Variants in ANKRD55 observed in about 807,000 individuals in gnomAD.
ANKRD55 encodes the protein ankyrin repeat domain 55.
A neutral mutation model predicts 60.6 loss-of-function variants in ANKRD55; 41 were observed. That is an observed-to-expected ratio of 0.68 (90% CI 0.53 to 0.88). The LOEUF (loss-of-function observed/expected upper bound fraction) is 0.88, where lower values mean the gene tolerates loss of function less well. Among genes scored for constraint, ANKRD55 ranks in the 40% least tolerant of loss-of-function variants. ANKRD55 has a pLI of 0.00. For missense variants in ANKRD55, 732 were observed against 767.6 expected (o/e 0.95, Z 0.55); for synonymous variants, 264 against 290.3 (o/e 0.91, Z 0.92).
chr5:56,185,590 C>G (rs1758950034), intron 2 of ANKRD55, among the ~76,000 whole-genome samples: 1 of 151,878 alleles, frequency 6.6e-6, no homozygotes, highest in Non-Finnish European at 1.5e-5. Flanking sequence ...ATTGCTTGAA[C>G]CCGGGAGGTG....
chr5:56,163,707 A>G (rs1758384934), intron 5 of ANKRD55, among the ~76,000 whole-genome samples: 3 of 152,244 alleles, frequency 2.0e-5, no homozygotes. Context: ...CATAAAATGC[A>G]GAGAATAATA....
chr5:56,124,872 G>A (rs1757193576), intron 8 of ANKRD55, among the ~76,000 whole-genome samples: 2 of 152,180 alleles, frequency 1.3e-5, no homozygotes, highest in Admixed American at 1.3e-4. Flanking sequence ...ATGTTTTGCT[G>A]CAGAAAACGT....
chr5:56,181,011 G>A (rs942229990), intron 3 of ANKRD55, among the ~76,000 whole-genome samples: 3 of 152,078 alleles, frequency 2.0e-5, no homozygotes, highest in Admixed American at 2.0e-4. Flanking sequence ...GAAGAGCCTG[G>A]GCAACATGGT....
intron 5 of ANKRD55, among the ~76,000 whole-genome samples, chr5:56,162,515 G>T (rs545920035): frequency 3.9e-5 from 6 of 152,234 alleles, no homozygotes; most frequent in African/African-American, 1.4e-4. Context: ...CTACAGCTAA[G>T]CTACCACTGC....
intron 6 of ANKRD55, among the ~76,000 whole-genome samples, chr5:56,154,775 G>C (rs1192517856): frequency 6.6e-6 from 1 of 152,054 alleles, no homozygotes; most frequent in Non-Finnish European, 1.5e-5. Context: ...TTTTAGTAGA[G>C]ACGGGGTTTG....
intron 6 of ANKRD55, among the ~76,000 whole-genome samples, chr5:56,144,238 A>T (rs977821957): frequency 2.0e-5 from 3 of 152,246 alleles, no homozygotes; most frequent in African/African-American, 7.2e-5. Flanking sequence ...ACAATCTTCC[A>T]GATTGATAAA....
At chr5:56,230,343 T>A (rs1305661518) in intron 2 of ANKRD55, among the ~76,000 whole-genome samples, 2 of 152,196 alleles carry the variant, frequency 1.3e-5, no homozygotes, top group Admixed American at 1.3e-4. Context: ...TCTGCCCACC[T>A]CGGCCTCCCA....
chr5:56,179,140 A>C lies in ANKRD55; in HGVS notation c.182-2858T>G, dbSNP rs142161386. On this transcript the variant is annotated intron_variant, in intron 3 of 11. Transcript: ENST00000341048. ...CTAACAAGAAATGGCATAAATGAAC[A>C]TTAATAGAGAAATACATAAATTATA... Among the ~76,000 whole-genome samples the C allele has an allele frequency of 3.1e-3, 478 of 152,326 alleles. 3 individuals carry two copies. Among genetic ancestry groups the C allele is most frequent in the African/African-American group, 0.011 (461 of 41,574 alleles).
intron 5 of ANKRD55, 72 bp downstream of exon 5, chr5:56,170,622 A>G: frequency 8.3e-7 from 1 of 1,206,620 alleles, no homozygotes; most frequent in Non-Finnish European, 1.2e-6. Flanking sequence ...CCACAGAGGG[A>G]TGGATTAGAT....
chr5:56,210,270 A>G (rs1759630555), intron 2 of ANKRD55, among the ~76,000 whole-genome samples: 1 of 152,096 alleles, frequency 6.6e-6, no homozygotes, highest in Admixed American at 6.5e-5. Flanking sequence ...GTCTCTACCC[A>G]ATTTATTTGA....
intron 5 of ANKRD55, among the ~76,000 whole-genome samples, chr5:56,167,261 G>T (rs1758505053): frequency 6.6e-6 from 1 of 152,192 alleles, no homozygotes; most frequent in South Asian, 2.1e-4. Context: ...ATGCTATATG[G>T]TAGAGCCTAT....
chr5:56,197,742 G>A (rs977203285), intron 2 of ANKRD55, among the ~76,000 whole-genome samples: 1 of 152,104 alleles, frequency 6.6e-6, no homozygotes, highest in Non-Finnish European at 1.5e-5. Flanking sequence ...AAATTTCAGA[G>A]GAGTTTTTCT....
chr5:56,124,653 G>A (rs1303829573), intron 8 of ANKRD55, among the ~76,000 whole-genome samples: 6 of 152,014 alleles, frequency 3.9e-5, no homozygotes, highest in Admixed American at 1.3e-4. Context: ...GATTACAGGC[G>A]TGCGCCACCA....
intron 2 of ANKRD55, among the ~76,000 whole-genome samples, chr5:56,200,757 G>A (rs911056256): frequency 6.6e-6 from 1 of 152,046 alleles, no homozygotes; most frequent in Non-Finnish European, 1.5e-5. Context: ...GGGCACATTG[G>A]GTATTGCAAT....
At chr5:56,118,797 C>G (rs1487852741) in intron 8 of ANKRD55, among the ~76,000 whole-genome samples, 1 of 152,074 alleles carries the variant, frequency 6.6e-6, no homozygotes. Context: ...TCAATAACAT[C>G]TGTCATTAGA....
chr5:56,164,404 C>G (rs1430492682), intron 5 of ANKRD55, among the ~76,000 whole-genome samples: 1 of 152,154 alleles, frequency 6.6e-6, no homozygotes, highest in East Asian at 1.9e-4. Context: ...GAGACAAACA[C>G]TGCAGGTCAG....
In ANKRD55 at chr5:56,202,428, CA is replaced by C. The variant is rs1759401297; in HGVS notation, c.59-18795del. 4.6e-5 allele frequency among the ~76,000 whole-genome samples: 7 copies of C among 152,154 alleles called. 1 individual carries two copies. Among genetic ancestry groups the C allele is most frequent in the Admixed American group, 2.6e-4 (4 of 15,284 alleles). On this transcript the variant is annotated intron_variant, in intron 2 of 11. Transcript: ENST00000341048. Reference sequence around the variant, plus strand: ...AAACGAGACCCTTTGCCTTGTGCAGCAGGCTGTAGTAATTTTGTGAGCAGAA... The same window carrying C: ...AAACGAGACCCTTTGCCTTGTGCAGCGGCTGTAGTAATTTTGTGAGCAGAA...
chr5:56,206,910 G>A (rs181521269), intron 2 of ANKRD55, among the ~76,000 whole-genome samples: 166 of 152,280 alleles, frequency 1.1e-3, no homozygotes, highest in Admixed American at 2.2e-3. Context: ...AGTGTCTGCC[G>A]GGGTGGCAGG....
chr5:56,111,420 C>T lies in ANKRD55; in HGVS notation c.1328G>A (p.Gly443Asp), dbSNP rs1756694033. 1.9e-6 allele frequency: 3 copies of T among 1,614,096 alleles called. No homozygotes were observed. The South Asian group carries it at 3.3e-5, about 18-fold the overall frequency. The change falls in exon 10 of 12, where the codon GGC becomes GAC. Residue 443 changes from glycine (G) to aspartate (D), a missense_variant. By Grantham distance (94) the Gly-to-Asp change is moderately conservative. Transcript: ENST00000341048. ...ATGGGAGGCTGTTAGGAAGTTATTG[C>T]CCAGGGTGATGGGTGGGAGACTCTG... ...RTQSLPPITL[G>D]NNFLTASHRA... is the part of the protein sequence containing the mutation.
Sources: gnomAD v4.1 joint callset for allele counts (sites outside exome capture counted in the v4.1 genomes callset) on GRCh38, gnomAD v4.1.1 for gene constraint, MANE v1.5 for transcripts, NCBI Gene and HGNC (gene_info 2026-07-23, HGNC 2026-07-21) for gene names.